MYOM1: variants seen among roughly 807,000 people sequenced by gnomAD.
MYOM1 encodes the protein myomesin-1.
Under a neutral mutation model 205.3 loss-of-function variants are expected in MYOM1, and 164 were observed. The observed-to-expected ratio is 0.80, with a 90% CI of 0.70 to 0.91. The LOEUF (loss-of-function observed/expected upper bound fraction) is 0.91, where lower values mean the gene tolerates loss of function less well. MYOM1 is among the 40% of genes least tolerant of loss of function. The pLI, the probability that MYOM1 is intolerant of heterozygous loss-of-function variation, is 0.00. For synonymous variants in MYOM1, 772 were observed against 789.4 expected (o/e 0.98, Z 0.37); for missense variants, 2,011 against 2,127.3 (o/e 0.95, Z 1.08).
At position 3,067,111 on chromosome 18, in the gene MYOM1, G is replaced by T; in HGVS notation, c.*151C>A. 3.9e-6 allele frequency: 3 copies of T among 769,946 alleles called. No individual in the cohort carries two copies. Among genetic ancestry groups the T allele is most frequent in the Non-Finnish European group, 6.1e-6 (3 of 491,782 alleles). The allele number at this position is 769,946 out of a possible 1,614,324, so 47.7% of individuals were successfully genotyped here. A position where few individuals can be genotyped will look rare whatever the true frequency, so the allele number is the denominator to read the frequency against. On this transcript the variant is annotated 3_prime_UTR_variant, in exon 38 of 38. Coordinates refer to ENST00000356443, the MANE Select transcript of MYOM1 (RefSeq NM_003803.4). The stretch of plus-strand genomic sequence containing the variant: ...AAAAACAATTAAAGTGTCATTAGTT[G>T]GTGCTTTTTTATATGAGTGAAAGAC...
At chr18:3,242,634 G>A in the MYOM1 span, among the ~76,000 whole-genome samples, 6 of 152,108 alleles carry the variant, frequency 3.9e-5, no homozygotes, top group Admixed American at 2.0e-4. Flanking sequence ...TCAGCCTCCC[G>A]AGTAGCTGGA....
intron 14 of MYOM1, among the ~76,000 whole-genome samples, chr18:3,140,243 C>T (rs890079091): frequency 1.3e-5 from 2 of 151,882 alleles, no homozygotes; most frequent in African/African-American, 4.8e-5. Flanking sequence ...CCTGTCTCTA[C>T]TAAAAATACA....
At chr18:3,213,455 C>T (rs938171720) in intron 2 of MYOM1, among the ~76,000 whole-genome samples, 1 of 152,124 alleles carries the variant, frequency 6.6e-6, no homozygotes, top group Non-Finnish European at 1.5e-5. Flanking sequence ...ATAAAAGTCA[C>T]GTGTATCTTG....
intron 2 of MYOM1, among the ~76,000 whole-genome samples, chr18:3,208,504 C>A (rs149830560): frequency 1.5e-3 from 226 of 152,220 alleles, no homozygotes; most frequent in African/African-American, 5.3e-3. Flanking sequence ...GCCTGGGCAA[C>A]AGGGCAAGAT....
chr18:3,234,911 T>C, the MYOM1 span, among the ~76,000 whole-genome samples: 1 of 150,222 alleles, frequency 6.7e-6, no homozygotes, highest in African/African-American at 2.5e-5. Context: ...AACTCTGTCA[T>C]TATCTCTTTA....
intron 15 of MYOM1, 110 bp from the exon 16 acceptor site, chr18:3,134,934 G>C: frequency 4.6e-6 from 5 of 1,079,390 alleles, no homozygotes; most frequent in Non-Finnish European, 6.8e-6. Flanking sequence ...CATGTCAAAA[G>C]AACAGCTGCT....
In MYOM1 at chr18:3,137,063, G is replaced by A. The variant is rs367605746; in HGVS notation, c.2026-1333C>T. 3.0e-3 allele frequency among the ~76,000 whole-genome samples: 459 copies of A among 150,924 alleles called. 8 individuals carry two copies. The highest frequency in any genetic ancestry group is 0.023 in the South Asian group (112 of 4,776). On this transcript the variant is annotated intron_variant, in intron 14 of 37. Transcript: ENST00000356443. Reference sequence around the variant, plus strand: ...CCTCCTGGGTTCACGCCATTCTCCTGCCTCAGCCTCCCGAGTAGCTGGGAC... The same window carrying A: ...CCTCCTGGGTTCACGCCATTCTCCTACCTCAGCCTCCCGAGTAGCTGGGAC...
chr18:3,238,796 T>A, the MYOM1 span, among the ~76,000 whole-genome samples: 2 of 152,016 alleles, frequency 1.3e-5, no homozygotes, highest in African/African-American at 4.8e-5. Context: ...CTAGCCTGTT[T>A]CAGCTTCTAG....
At chr18:3,099,110 T>A (rs2143748435) in intron 25 of MYOM1, among the ~76,000 whole-genome samples, 1 of 152,304 alleles carries the variant, frequency 6.6e-6, no homozygotes, top group Non-Finnish European at 1.5e-5. Context: ...TGAACCGCTG[T>A]GCCCAGCCAA....
intron 29 of MYOM1, among the ~76,000 whole-genome samples, chr18:3,087,876 C>CGCT (rs1382659628): frequency 4.6e-5 from 7 of 152,210 alleles, no homozygotes; most frequent in African/African-American, 1.7e-4. Context: ...CTGAATGATT[C>CGCT]GCTGCGCATA....
At chr18:3,139,144 T>G (rs960444570) in intron 14 of MYOM1, among the ~76,000 whole-genome samples, 4 of 152,132 alleles carry the variant, frequency 2.6e-5, no homozygotes, top group Non-Finnish European at 5.9e-5. Flanking sequence ...ACAGGCATGA[T>G]GAAAACAAAG....
intron 5 of MYOM1, among the ~76,000 whole-genome samples, chr18:3,187,035 T>A (rs1220375862): frequency 6.6e-6 from 1 of 151,958 alleles, no homozygotes; most frequent in African/African-American, 2.4e-5. Flanking sequence ...TCAGCTCACA[T>A]GAGGGGTAGA....
rs754102908 is a variant in MYOM1 at position 3,129,252 on chromosome 18, AG to A, written c.2773del (p.Leu925Ter). ...CTCACCTCTGTCTGTCTTCTTTTTC[AG>A]GGGGTCAGACTTACTTTTCCCCTGA... ...APQGKSKSDP[L>X]KKKTDRAPPS... On this transcript the variant is annotated frameshift_variant, in exon 18 of 38. Coordinates refer to ENST00000356443, the MANE Select transcript of MYOM1 (RefSeq NM_003803.4). LOFTEE classifies it high-confidence loss of function. 1.9e-6 allele frequency: 3 copies of A among 1,613,480 alleles called. No homozygotes were observed. The highest frequency in any genetic ancestry group is 4.5e-5 in the East Asian group (2 of 44,878).
intron 1 of MYOM1, among the ~76,000 whole-genome samples, chr18:3,216,005 C>T (rs552630835): frequency 2.6e-5 from 4 of 152,136 alleles, no homozygotes; most frequent in Admixed American, 6.5e-5. Flanking sequence ...CAGTGGGTCA[C>T]GCCTGTAATC....
chr18:3,233,007 G>C, the MYOM1 span, among the ~76,000 whole-genome samples: 1 of 152,156 alleles, frequency 6.6e-6, no homozygotes, highest in African/African-American at 2.4e-5. Flanking sequence ...ACCCTAATGA[G>C]CATTTTATAA....
chr18:3,161,804 C>T (rs1209235977), intron 10 of MYOM1, among the ~76,000 whole-genome samples: 3 of 152,126 alleles, frequency 2.0e-5, no homozygotes, highest in South Asian at 2.1e-4. Context: ...GGTAAATTAC[C>T]GTACTTTTTT....
chr18:3,153,307 G>A (rs1438313974), intron 11 of MYOM1, among the ~76,000 whole-genome samples: 1 of 152,174 alleles, frequency 6.6e-6, no homozygotes, highest in Non-Finnish European at 1.5e-5. Flanking sequence ...TCTTAGGTGA[G>A]TTAGTGCTTC....
chr18:3,069,968 C>T (rs2078941278), intron 37 of MYOM1, among the ~76,000 whole-genome samples: 1 of 152,156 alleles, frequency 6.6e-6, no homozygotes, highest in Non-Finnish European at 1.5e-5. Flanking sequence ...ATTTTCCAAC[C>T]ATGAGGAAAT....
In MYOM1 at chr18:3,198,645, G is replaced by A. The variant is rs2081024624; in HGVS notation, c.291-4687C>T. 1.3e-5 allele frequency among the ~76,000 whole-genome samples: 2 copies of A among 152,130 alleles called. 1 individual carries two copies. The highest frequency in any genetic ancestry group is 4.8e-5 in the African/African-American group (2 of 41,500). Reference sequence around the variant, plus strand: ...CTAAAAATACAAAACTTAGCTGGGCGTGGTGGCGGGCGCCTGTAATCCCAG... The same window carrying A: ...CTAAAAATACAAAACTTAGCTGGGCATGGTGGCGGGCGCCTGTAATCCCAG... On this transcript the variant is annotated intron_variant, in intron 2 of 37. Coordinates refer to ENST00000356443, the MANE Select transcript of MYOM1 (RefSeq NM_003803.4).
Sources: allele counts gnomAD v4.1 joint callset (sites outside exome capture counted in the v4.1 genomes callset), GRCh38; gene constraint gnomAD v4.1.1; transcripts MANE v1.5; gene names NCBI Gene and HGNC (gene_info 2026-07-23, HGNC 2026-07-21).